The following ACTR3C variants were observed in gnomAD, a reference collection of about 807,000 sequenced individuals.
ACTR3C encodes actin-related protein 3C.
ACTR3C carries 18 observed loss-of-function variants against 26.3 expected under a neutral mutation model. The ratio of observed to expected loss-of-function variants is 0.68; its 90% CI spans 0.47 to 1.01. The LOEUF (loss-of-function observed/expected upper bound fraction) is 1.01. Ranked by LOEUF, ACTR3C falls within the 50% of genes least tolerant of loss-of-function variation. The probability of loss-of-function intolerance (pLI) is 0.00; values close to 1 mark genes in which losing one functional copy is unlikely to be tolerated. For missense variants in ACTR3C, 184 were observed against 250.7 expected (o/e 0.73, Z 1.80); for synonymous variants, 55 against 94.5 (o/e 0.58, Z 2.42).
chr7:150,053,351 AAGT>A, the ACTR3C span, among the ~76,000 whole-genome samples: 7 of 152,046 alleles, frequency 4.6e-5, no homozygotes, highest in African/African-American at 1.4e-4. Context: ...CAGGTGAATT[AAGT>A]TAAATATGAT....
chr7:150,185,749 A>C, the ACTR3C span, among the ~76,000 whole-genome samples: 1 of 151,896 alleles, frequency 6.6e-6, no homozygotes, highest in Non-Finnish European at 1.5e-5. Flanking sequence ...CCTATGCCTG[A>C]CATCTCTCAC....
At chr7:150,281,470 A>G (rs2689573) in intron 6 of ACTR3C, among the ~76,000 whole-genome samples, 38,632 of 143,380 alleles carry the variant, frequency 0.27, 5,773 homozygotes, top group African/African-American at 0.35. Flanking sequence ...CTGCTCAGAC[A>G]CTGCTTCTGG....
At chr7:149,948,189 T>C in the ACTR3C span, among the ~76,000 whole-genome samples, 110,903 of 115,880 alleles carry the variant, frequency 0.96, 53,580 homozygotes, top group Non-Finnish European at 0.99. Context: ...AGCACGTGTC[T>C]TTTAATGACA....
the ACTR3C span, among the ~76,000 whole-genome samples, chr7:150,042,042 TG>T: frequency 0.01 from 982 of 95,782 alleles, 20 homozygotes; most frequent in African/African-American, 0.015. Flanking sequence ...GGAGCAACGA[TG>T]GGGGGTCCTA....
At chr7:150,039,257 A>T in the ACTR3C span, among the ~76,000 whole-genome samples, 3 of 136,156 alleles carry the variant, frequency 2.2e-5, no homozygotes, top group Non-Finnish European at 3.1e-5. Context: ...CTGGCTCTCA[A>T]TCTCTGCCTC....
chr7:150,168,902 A>G, the ACTR3C span, among the ~76,000 whole-genome samples: 1 of 150,758 alleles, frequency 6.6e-6, no homozygotes, highest in Non-Finnish European at 1.5e-5. Flanking sequence ...CAAAGAACCA[A>G]CATCTCTTCT....
At chr7:149,957,731 C>T in the ACTR3C span, among the ~76,000 whole-genome samples, 7 of 150,516 alleles carry the variant, frequency 4.7e-5, no homozygotes, top group East Asian at 7.7e-4. Flanking sequence ...CCTCCATAAG[C>T]GTATGAGACA....
the ACTR3C span, chr7:149,891,296 C>T: frequency 3.4e-5 from 38 of 1,103,638 alleles, no homozygotes; most frequent in South Asian, 6.7e-5. Flanking sequence ...CATGTCGTAT[C>T]GGCCACTGGA....
the ACTR3C span, among the ~76,000 whole-genome samples, chr7:149,987,272 A>G: frequency 2.5e-4 from 38 of 152,304 alleles, no homozygotes; most frequent in South Asian, 6.4e-3. Context: ...TAAAGATTAG[A>G]AAATTAACAG....
At chr7:149,949,577 C>T in the ACTR3C span, among the ~76,000 whole-genome samples, 3 of 147,200 alleles carry the variant, frequency 2.0e-5, no homozygotes, top group Non-Finnish European at 2.9e-5. Flanking sequence ...AAAAGATGGA[C>T]GAGAGAATGA....
chr7:150,110,378 C>A, the ACTR3C span, among the ~76,000 whole-genome samples: 1 of 148,618 alleles, frequency 6.7e-6, no homozygotes, highest in African/African-American at 2.5e-5. Context: ...AGGGGCAAGA[C>A]CCAGGAACCC....
the ACTR3C span, among the ~76,000 whole-genome samples, chr7:149,961,858 G>A: frequency 1.3e-5 from 2 of 150,420 alleles, no homozygotes; most frequent in South Asian, 4.2e-4. Flanking sequence ...AGTATACACA[G>A]AGGAAGTATG....
At chr7:150,226,652 G>C in the ACTR3C span, among the ~76,000 whole-genome samples, 3 of 152,124 alleles carry the variant, frequency 2.0e-5, no homozygotes, top group Non-Finnish European at 4.4e-5. Context: ...TGGCCAGGCT[G>C]TTCTCAAACT....
chr7:150,288,833 C>T (rs1340213757), intron 4 of ACTR3C, among the ~76,000 whole-genome samples: 1 of 149,406 alleles, frequency 6.7e-6, no homozygotes, highest in Non-Finnish European at 1.5e-5. Context: ...GAGCCTGCCT[C>T]ATGCCAGTGC....
chr7:150,310,051 T>G (rs1796167258), intron 1 of ACTR3C, among the ~76,000 whole-genome samples: 1 of 152,190 alleles, frequency 6.6e-6, no homozygotes, highest in South Asian at 2.1e-4. Flanking sequence ...TGGTGCCAAC[T>G]TAGACAACAT....
chr7:149,982,775 A>G, the ACTR3C span, among the ~76,000 whole-genome samples: 1 of 152,166 alleles, frequency 6.6e-6, no homozygotes, highest in Admixed American at 6.5e-5. Flanking sequence ...CTTGCAAAAT[A>G]TTCTGTGAAG....
At chr7:149,994,474 G>A in the ACTR3C span, among the ~76,000 whole-genome samples, 2 of 152,184 alleles carry the variant, frequency 1.3e-5, no homozygotes, top group African/African-American at 4.8e-5. Context: ...GTGTGTGCCT[G>A]TAATCCCAGC....
the ACTR3C span, among the ~76,000 whole-genome samples, chr7:150,071,818 A>G: frequency 6.6e-6 from 1 of 151,454 alleles, no homozygotes; most frequent in East Asian, 1.9e-4. Flanking sequence ...GGCAGCACAC[A>G]GTGTCAGGGG....
At chr7:149,946,822 T>C in the ACTR3C span, among the ~76,000 whole-genome samples, 1 of 152,186 alleles carries the variant, frequency 6.6e-6, no homozygotes, top group African/African-American at 2.4e-5. Context: ...CTGTGATCCC[T>C]TCTCTGGACA....
Sources: gnomAD v4.1 joint callset for allele counts (sites outside exome capture counted in the v4.1 genomes callset) on GRCh38, gnomAD v4.1.1 for gene constraint, MANE v1.5 for transcripts, NCBI Gene and HGNC (gene_info 2026-07-23, HGNC 2026-07-21) for gene names.